The following NDRG3 variants were observed in gnomAD, a reference collection of about 807,000 sequenced individuals.
NDRG3 encodes protein NDRG3.
A neutral mutation model predicts 57.2 loss-of-function variants in NDRG3; 23 were observed. The ratio of observed to expected loss-of-function variants is 0.40; its 90% CI spans 0.29 to 0.57. The LOEUF is 0.57. Ranked by LOEUF, NDRG3 falls within the 20% of genes least tolerant of loss-of-function variation. NDRG3 has a pLI of 0.42. For missense variants in NDRG3, 384 were observed against 457.3 expected (o/e 0.84, Z 1.46); for synonymous variants, 132 against 162.6 (o/e 0.81, Z 1.43).
At chr20:36,660,427 T>G in intron 12 of NDRG3, 43 bp from the exon 13 acceptor site, 5 of 1,545,588 alleles carry the variant, frequency 3.2e-6, no homozygotes, top group Non-Finnish European at 4.5e-6. Flanking sequence ...TATGAGTTGC[T>G]AGGAAAAAAA....
intron 1 of NDRG3, among the ~76,000 whole-genome samples, chr20:36,737,337 G>A (rs1030065967): frequency 4.6e-5 from 7 of 152,114 alleles, no homozygotes; most frequent in African/African-American, 1.7e-4. Context: ...GCCCTGGGGT[G>A]TGCTCTTAGA....
At chr20:36,712,574 TATATATATATA>T (rs1568660331) in intron 2 of NDRG3, among the ~76,000 whole-genome samples, 43 of 19,384 alleles carry the variant, frequency 2.2e-3, no homozygotes, top group African/African-American at 6.6e-3. Flanking sequence ...TATATATATA[TATATATATATA>T]TATTTTTTTT....
At chr20:36,708,927 A>C (rs1983711608) in intron 2 of NDRG3, among the ~76,000 whole-genome samples, 1 of 152,206 alleles carries the variant, frequency 6.6e-6, no homozygotes, top group African/African-American at 2.4e-5. Flanking sequence ...AATCCCAGCT[A>C]CTTGGGAGGC....
intron 1 of NDRG3, among the ~76,000 whole-genome samples, chr20:36,733,171 A>AAT (rs1555807708): frequency 0.038 from 1,254 of 32,848 alleles, 39 homozygotes; most frequent in South Asian, 0.07. Context: ...AAAAAAAAAA[A>AAT]ATATATATAT....
intron 3 of NDRG3, among the ~76,000 whole-genome samples, chr20:36,701,721 A>AT: frequency 6.6e-6 from 1 of 151,274 alleles, no homozygotes; most frequent in Non-Finnish European, 1.5e-5. Context: ...CTAATTTTGT[A>AT]TTTTTTAATA....
chr20:36,695,729 A>G (rs1399613718), intron 3 of NDRG3, among the ~76,000 whole-genome samples: 1 of 152,230 alleles, frequency 6.6e-6, no homozygotes, highest in East Asian at 1.9e-4. Flanking sequence ...ACAGCGGGAC[A>G]TGGAACTTCA....
chr20:36,694,380 A>C (rs1982593701), intron 3 of NDRG3, among the ~76,000 whole-genome samples: 1 of 152,200 alleles, frequency 6.6e-6, no homozygotes, highest in Non-Finnish European at 1.5e-5. Flanking sequence ...CCTGACATAA[A>C]AGAAGTGAAA....
At chr20:36,718,055 C>T (rs997007408) in intron 2 of NDRG3, among the ~76,000 whole-genome samples, 1 of 152,236 alleles carries the variant, frequency 6.6e-6, no homozygotes, top group African/African-American at 2.4e-5. Flanking sequence ...CGTTTACTCA[C>T]TGGCAATGTG....
rs1484801597 is a variant in NDRG3, at chr20:36,694,818, C to T, written c.94-6034G>A. On this transcript the variant is annotated intron_variant, in intron 3 of 15. Transcript: ENST00000349004. ...TGTCACCCAGGCTGGAGTACAGTAG[C>T]GTGATCTCAACTCACTGCATTCTCC... Among the ~76,000 whole-genome samples, 7 of 151,998 alleles carry T rather than the reference C, an allele frequency of 4.6e-5. No individual in the cohort carries two copies. The South Asian group carries it at 1.0e-3, about 22-fold the overall frequency.
At chr20:36,677,391 C>T (rs555651623) in intron 8 of NDRG3, among the ~76,000 whole-genome samples, 1 of 152,338 alleles carries the variant, frequency 6.6e-6, no homozygotes, top group East Asian at 1.9e-4. Context: ...CCAGTCAGGA[C>T]TTGTGGCACC....
chr20:36,703,212 A>C (rs1280726536), intron 3 of NDRG3, among the ~76,000 whole-genome samples: 1 of 152,116 alleles, frequency 6.6e-6, no homozygotes, highest in African/African-American at 2.4e-5. Context: ...GCTGTCTCTA[A>C]TATACATATA....
At chr20:36,681,198 G>C (rs6016198) in intron 7 of NDRG3, among the ~76,000 whole-genome samples, 9,682 of 152,144 alleles carry the variant, frequency 0.064, 1,077 homozygotes, top group African/African-American at 0.22. Context: ...GGGAAAGTGC[G>C]CTTGGCACAA....
chr20:36,705,760 AT>A (rs1439319009), intron 3 of NDRG3, among the ~76,000 whole-genome samples: 1 of 151,710 alleles, frequency 6.6e-6, no homozygotes, highest in African/African-American at 2.4e-5. Flanking sequence ...ATTTATTATT[AT>A]TTTTTTGAGA....
intron 1 of NDRG3, among the ~76,000 whole-genome samples, chr20:36,736,834 C>A (rs1284985634): frequency 6.6e-5 from 10 of 152,156 alleles, no homozygotes; most frequent in South Asian, 2.1e-4. Context: ...TGCTATCCCC[C>A]CTATCTCCAT....
At chr20:36,693,269 ACATGGT>A (rs1227363064) in intron 3 of NDRG3, among the ~76,000 whole-genome samples, 1 of 147,724 alleles carries the variant, frequency 6.8e-6, no homozygotes, top group African/African-American at 2.5e-5. Context: ...AAACTATCAA[ACATGGT>A]CATATACACA....
Position 36,665,218 on chromosome 20 carries a change from G to A in NDRG3, c.758+18C>T, listed in dbSNP as rs1471474325. On this transcript the variant is annotated intron_variant, in intron 11 of 15. Transcript: ENST00000349004. ...AGTCTATATTTGGCAAGTCAGCTGA[G>A]GAAACTGAGGAACTTACTTTAATGT... The A allele has an allele frequency of 1.2e-6, 2 of 1,613,616 alleles. No homozygotes were observed. Among genetic ancestry groups the A allele is most frequent in the Non-Finnish European group, 1.7e-6 (2 of 1,179,658 alleles).
chr20:36,733,015 C>T (rs985129316), intron 1 of NDRG3, among the ~76,000 whole-genome samples: 12 of 150,668 alleles, frequency 8.0e-5, no homozygotes, highest in African/African-American at 2.7e-4. Flanking sequence ...GGTGTGATGA[C>T]GTGTGCCTGT....
intron 8 of NDRG3, among the ~76,000 whole-genome samples, chr20:36,673,012 C>T (rs1242403983): frequency 6.6e-6 from 1 of 152,006 alleles, no homozygotes; most frequent in East Asian, 1.9e-4. Flanking sequence ...TACAGTTGTG[C>T]ACCACCACGC....
chr20:36,699,406 C>A (rs1029708833), intron 3 of NDRG3, among the ~76,000 whole-genome samples: 2 of 152,026 alleles, frequency 1.3e-5, no homozygotes, highest in African/African-American at 4.8e-5. Flanking sequence ...CGGGGGGAGG[C>A]AGCAAGAAAA....
Sources: gnomAD v4.1 joint callset for allele counts (sites outside exome capture counted in the v4.1 genomes callset) on GRCh38, gnomAD v4.1.1 for gene constraint, MANE v1.5 for transcripts, NCBI Gene and HGNC (gene_info 2026-07-23, HGNC 2026-07-21) for gene names.